Variants in NEGR1 observed in about 807,000 individuals in gnomAD.
NEGR1 encodes neuronal growth regulator 1, also known as IgLON family member 4.
NEGR1 carries 10 observed loss-of-function variants against 40.9 expected under a neutral mutation model. The observed-to-expected ratio is 0.24, with a 90% CI of 0.15 to 0.42. The LOEUF (loss-of-function observed/expected upper bound fraction) is 0.42, where lower values mean the gene tolerates loss of function less well. Ranked by LOEUF, NEGR1 falls within the 10% of genes least tolerant of loss-of-function variation. The probability of loss-of-function intolerance (pLI) is 1.00; values close to 1 mark genes in which losing one functional copy is unlikely to be tolerated. For synonymous variants in NEGR1, 185 were observed against 166.8 expected (o/e 1.11, Z -0.84); for missense variants, 352 against 438.9 (o/e 0.80, Z 1.77).
At chr1:72,200,239 C>G (rs1653155361) in intron 1 of NEGR1, among the ~76,000 whole-genome samples, 1 of 151,912 alleles carries the variant, frequency 6.6e-6, no homozygotes, top group Non-Finnish European at 1.5e-5. Flanking sequence ...CAGTGCTATT[C>G]ACAATATCAA....
chr1:72,120,632 G>C (rs935036977), intron 1 of NEGR1, among the ~76,000 whole-genome samples: 1 of 151,812 alleles, frequency 6.6e-6, no homozygotes, highest in Non-Finnish European at 1.5e-5. Context: ...CTAGCATTAG[G>C]TGTATCTCCC....
chr1:71,958,870 G>T (rs950768467), intron 1 of NEGR1, among the ~76,000 whole-genome samples: 2 of 151,170 alleles, frequency 1.3e-5, no homozygotes, highest in African/African-American at 2.4e-5. Context: ...CAGGAGAATC[G>T]CTTGAACCTG....
At chr1:72,136,589 T>A (rs1210635866) in intron 1 of NEGR1, among the ~76,000 whole-genome samples, 1 of 140,048 alleles carries the variant, frequency 7.1e-6, no homozygotes, top group African/African-American at 2.5e-5. Context: ...TCCACAGGTC[T>A]TAGCCAGCAA....
At chr1:72,016,378 G>A (rs3102924) in intron 1 of NEGR1, among the ~76,000 whole-genome samples, 35,608 of 151,886 alleles carry the variant, frequency 0.23, 5,618 homozygotes, top group African/African-American at 0.45. Context: ...TTTTAAGGTG[G>A]TACAATTGTG....
At chr1:72,129,100 T>C (rs1373261666) in intron 1 of NEGR1, among the ~76,000 whole-genome samples, 1 of 152,150 alleles carries the variant, frequency 6.6e-6, no homozygotes, top group Non-Finnish European at 1.5e-5. Flanking sequence ...GGCTCACAGA[T>C]GTCAGATTGT....
chr1:71,661,560 C>A (rs2101590982), intron 4 of NEGR1, among the ~76,000 whole-genome samples: 1 of 152,224 alleles, frequency 6.6e-6, no homozygotes, highest in Admixed American at 6.5e-5. Context: ...CCATATGACA[C>A]AAATATTATG....
chr1:72,023,138 C>T (rs1646775813), intron 1 of NEGR1, among the ~76,000 whole-genome samples: 1 of 151,992 alleles, frequency 6.6e-6, no homozygotes, highest in Non-Finnish European at 1.5e-5. Context: ...CTCCGGTGTT[C>T]TCCTCATTGT....
At chr1:71,628,100 C>A (rs939788013) in intron 4 of NEGR1, among the ~76,000 whole-genome samples, 5 of 152,014 alleles carry the variant, frequency 3.3e-5, no homozygotes, top group Non-Finnish European at 2.9e-5. Flanking sequence ...AAATTACTTT[C>A]TATTTTTATA....
At chr1:71,746,779 C>G (rs985666547) in intron 3 of NEGR1, among the ~76,000 whole-genome samples, 2 of 151,762 alleles carry the variant, frequency 1.3e-5, no homozygotes, top group African/African-American at 4.8e-5. Context: ...CACGCACACA[C>G]ACACACACAC....
At chr1:72,235,432 C>T (rs1654516461) in intron 1 of NEGR1, among the ~76,000 whole-genome samples, 1 of 151,952 alleles carries the variant, frequency 6.6e-6, no homozygotes, top group Non-Finnish European at 1.5e-5. Context: ...GATTTGCATT[C>T]TCAAATCCAG....
At chr1:71,556,780 C>T (rs981284305) in intron 6 of NEGR1, among the ~76,000 whole-genome samples, 3 of 151,154 alleles carry the variant, frequency 2.0e-5, no homozygotes, top group Admixed American at 1.3e-4. Context: ...GGAGAGGGGT[C>T]GATATATTCT....
chr1:71,451,038 A>T (rs1358204701), intron 6 of NEGR1, among the ~76,000 whole-genome samples: 2 of 152,154 alleles, frequency 1.3e-5, no homozygotes, highest in African/African-American at 4.8e-5. Context: ...GAAAGGTCAT[A>T]TTCTAACCTC....
chr1:71,686,928 A>G (rs1183046115), intron 4 of NEGR1, among the ~76,000 whole-genome samples: 1 of 152,204 alleles, frequency 6.6e-6, no homozygotes, highest in Non-Finnish European at 1.5e-5. Flanking sequence ...ATGAAACAGC[A>G]TTAACAAATG....
intron 1 of NEGR1, among the ~76,000 whole-genome samples, chr1:71,993,481 G>A (rs972368028): frequency 5.3e-5 from 8 of 152,124 alleles, no homozygotes; most frequent in Non-Finnish European, 7.4e-5. Context: ...AAATTTACTC[G>A]TTAAAATAAT....
intron 4 of NEGR1, among the ~76,000 whole-genome samples, chr1:71,683,353 A>T (rs928185847): frequency 6.6e-6 from 1 of 152,104 alleles, no homozygotes; most frequent in African/African-American, 2.4e-5. Context: ...AAGACTCAAG[A>T]GTATACTAGA....
rs1174544004 is a variant in NEGR1 at position 71,396,212 on chromosome 1, GA to G, written c.*11233del. 6.6e-6 allele frequency: 1 copy of G among 152,022 alleles called. No homozygotes were observed. The highest frequency in any genetic ancestry group is 2.4e-5 in the African/African-American group (1 of 41,362). 9.4% of individuals were successfully genotyped at this position (152,022 alleles called of 1,614,324 possible). ...TCCTTTCTCACTTTCAGTTTAAAGT[GA>G]AATCAGCTTCCCAAAGAAAGGATTA... On this transcript the variant is annotated 3_prime_UTR_variant, in exon 7 of 7. Transcript: ENST00000357731.
At chr1:72,052,405 A>G (rs1161469008) in intron 1 of NEGR1, among the ~76,000 whole-genome samples, 2 of 151,464 alleles carry the variant, frequency 1.3e-5, no homozygotes, top group African/African-American at 4.8e-5. Flanking sequence ...GCTCACATGA[A>G]TTTAAATGAA....
chr1:71,900,910 C>G (rs963821195), intron 2 of NEGR1, among the ~76,000 whole-genome samples: 2 of 152,114 alleles, frequency 1.3e-5, no homozygotes, highest in Non-Finnish European at 1.5e-5. Flanking sequence ...CAAGATAAAA[C>G]AGTAATAGAA....
intron 3 of NEGR1, among the ~76,000 whole-genome samples, chr1:71,756,468 G>T (rs1439400910): frequency 1.3e-5 from 2 of 150,702 alleles, no homozygotes; most frequent in African/African-American, 4.9e-5. Context: ...AACAGCGAGG[G>T]TTGAGAAGCC....
Sources: gnomAD v4.1 joint callset for allele counts (sites outside exome capture counted in the v4.1 genomes callset) on GRCh38, gnomAD v4.1.1 for gene constraint, MANE v1.5 for transcripts, NCBI Gene and HGNC (gene_info 2026-07-23, HGNC 2026-07-21) for gene names.